MCTP2: variants seen among roughly 807,000 people sequenced by gnomAD.
The protein encoded by MCTP2 is multiple C2 and transmembrane domain containing 2.
In MCTP2, 132 loss-of-function variants were observed where a neutral mutation model predicts 111.6. The observed-to-expected ratio is 1.18, with a 90% CI of 1.03 to 1.37. MCTP2 has a LOEUF of 1.37. Ranked by LOEUF, MCTP2 falls within the 40% of genes most tolerant of loss-of-function variation. MCTP2 has a pLI of 0.00. For missense variants in MCTP2, 1,183 were observed against 1,067.9 expected (o/e 1.11, Z -1.50); for synonymous variants, 395 against 387.7 (o/e 1.02, Z -0.22).
chr15:94,438,144 A>G (rs1265762957), intron 17 of MCTP2, among the ~76,000 whole-genome samples: 1 of 152,122 alleles, frequency 6.6e-6, no homozygotes, highest in Non-Finnish European at 1.5e-5. Flanking sequence ...ATTTCAGCCC[A>G]TGTTTGCATT....
intron 8 of MCTP2, among the ~76,000 whole-genome samples, chr15:94,349,140 T>G (rs1362374955): frequency 6.6e-6 from 1 of 152,178 alleles, no homozygotes; most frequent in African/African-American, 2.4e-5. Context: ...TTCTGATGCC[T>G]TATTATGAAG....
In MCTP2 at chr15:94,435,344, A is replaced by T. The variant is rs1052025114; in HGVS notation, c.2086-4832A>T. On this transcript the variant is annotated intron_variant, in intron 17 of 22. Coordinates refer to ENST00000357742, the MANE Select transcript of MCTP2 (RefSeq NM_001385001.1). ...CTGTAATGTTTCTTAATAATCTTTCATAGTTTCCAGTGAGGATATCTTGCT... is the reference window on the plus strand; with the variant it reads ...CTGTAATGTTTCTTAATAATCTTTCTTAGTTTCCAGTGAGGATATCTTGCT... Among the ~76,000 whole-genome samples the T allele has an allele frequency of 5.3e-5, 8 of 152,170 alleles. No homozygotes were observed. The East Asian group carries it at 1.2e-3, about 22-fold the overall frequency.
At chr15:94,245,269 T>C (rs146540985) in intron 1 of MCTP2, among the ~76,000 whole-genome samples, 5 of 137,164 alleles carry the variant, frequency 3.6e-5, no homozygotes, top group South Asian at 2.2e-4. Context: ...TACATATGTG[T>C]ATATACGTAT....
chr15:94,406,848 C>A (rs2081920983), intron 17 of MCTP2, among the ~76,000 whole-genome samples: 1 of 139,392 alleles, frequency 7.2e-6, no homozygotes, highest in Non-Finnish European at 1.5e-5. Context: ...AGGCATTGGA[C>A]TTTTCAGTTG....
chr15:94,270,500 A>C (rs925992871), intron 1 of MCTP2, among the ~76,000 whole-genome samples: 1 of 152,108 alleles, frequency 6.6e-6, no homozygotes, highest in Admixed American at 6.5e-5. Context: ...ACTGGCCTAC[A>C]TGGACCTGTC....
chr15:94,245,527 T>G (rs953126543), intron 1 of MCTP2, among the ~76,000 whole-genome samples: 13 of 141,290 alleles, frequency 9.2e-5, no homozygotes, highest in African/African-American at 3.3e-4. Context: ...TGTATATATT[T>G]ATATACATAC....
At chr15:94,290,985 G>C (rs1343563080) in intron 1 of MCTP2, among the ~76,000 whole-genome samples, 1 of 152,166 alleles carries the variant, frequency 6.6e-6, no homozygotes, top group African/African-American at 2.4e-5. Flanking sequence ...AGTAATAGAA[G>C]ATCAGCAAGG....
intron 1 of MCTP2, among the ~76,000 whole-genome samples, chr15:94,237,575 G>C (rs2070662447): frequency 1.3e-5 from 2 of 151,982 alleles, no homozygotes; most frequent in African/African-American, 4.8e-5. Context: ...TCTGACTCTG[G>C]CATAACATTA....
Position 94,479,413 on chromosome 15 carries a change from A to C in MCTP2, c.*379A>C. On this transcript the variant is annotated 3_prime_UTR_variant, in exon 23 of 23. Coordinates refer to ENST00000357742, the MANE Select transcript of MCTP2 (RefSeq NM_001385001.1). The stretch of plus-strand genomic sequence containing the variant: ...GTTTTCACACCTCCAACAGACTCTC[A>C]TTAAGATTCAGTTATTTCCGCTCCC... 4.2e-6 allele frequency: 1 copy of C among 238,264 alleles called. No individual in the cohort carries two copies. The highest frequency in any genetic ancestry group is 8.3e-6 in the Non-Finnish European group (1 of 120,388). 14.8% of individuals were successfully genotyped at this position (238,264 alleles called of 1,614,324 possible). A position where few individuals can be genotyped will look rare whatever the true frequency, so the allele number is the denominator to read the frequency against.
chr15:94,239,549 A>T (rs1315803345), intron 1 of MCTP2, among the ~76,000 whole-genome samples: 3 of 152,180 alleles, frequency 2.0e-5, no homozygotes, highest in Admixed American at 2.0e-4. Flanking sequence ...TACTTACATG[A>T]GCTCCCTCCC....
intron 12 of MCTP2, among the ~76,000 whole-genome samples, chr15:94,370,434 G>A (rs1488272847): frequency 6.6e-6 from 1 of 152,196 alleles, no homozygotes; most frequent in Non-Finnish European, 1.5e-5. Flanking sequence ...AAAAACATTT[G>A]TGGAGTATGA....
At chr15:94,355,182 T>C (rs1249575259) in intron 8 of MCTP2, among the ~76,000 whole-genome samples, 1 of 152,242 alleles carries the variant, frequency 6.6e-6, no homozygotes, top group Non-Finnish European at 1.5e-5. Flanking sequence ...AGACAACTTA[T>C]GGTTAACGCC....
chr15:94,405,548 C>T (rs551632049), intron 17 of MCTP2, among the ~76,000 whole-genome samples: 1 of 152,346 alleles, frequency 6.6e-6, no homozygotes, highest in East Asian at 1.9e-4. Flanking sequence ...CAAGCATCAC[C>T]TTCCTCTACC....
intron 18 of MCTP2, 130 bp downstream of exon 18, chr15:94,440,428 C>T: frequency 9.3e-7 from 1 of 1,073,324 alleles, no homozygotes; most frequent in East Asian, 2.4e-5. Context: ...CAAAGGCACT[C>T]ATTTTGCAGT....
intron 12 of MCTP2, among the ~76,000 whole-genome samples, chr15:94,372,347 G>A (rs1041288690): frequency 2.0e-5 from 3 of 152,172 alleles, no homozygotes; most frequent in Admixed American, 6.5e-5. Context: ...ATGTTTATAC[G>A]TTGTCAGGCT....
chr15:94,402,148 C>G lies in MCTP2; in HGVS notation c.2085+129C>G, dbSNP rs537894463. On this transcript the variant is annotated intron_variant, in intron 17 of 22. Transcript: ENST00000357742. ...TAAGACAGTACTTAGGTCAAATTTACCTGGGAAACCCCTTAAATTACCCAA... is the reference window on the plus strand; with the variant it reads ...TAAGACAGTACTTAGGTCAAATTTAGCTGGGAAACCCCTTAAATTACCCAA... 3.7e-6 allele frequency: 5 copies of G among 1,339,580 alleles called. No individual in the cohort carries two copies. In the African/African-American group the frequency reaches 7.4e-5, roughly 20 times the overall value. The allele number at this position is 1,339,580 out of a possible 1,614,324, so 83.0% of individuals were successfully genotyped here.
At chr15:94,451,001 T>C (rs888929830) in intron 19 of MCTP2, among the ~76,000 whole-genome samples, 3 of 152,240 alleles carry the variant, frequency 2.0e-5, no homozygotes, top group Non-Finnish European at 4.4e-5. Flanking sequence ...GGTGCTATAC[T>C]CATTGGATAC....
At chr15:94,274,597 C>T (rs1179872730) in intron 1 of MCTP2, among the ~76,000 whole-genome samples, 1 of 151,954 alleles carries the variant, frequency 6.6e-6, no homozygotes, top group Non-Finnish European at 1.5e-5. Flanking sequence ...AACTCTAGTC[C>T]AATAAGCTAA....
chr15:94,320,308 A>AG (rs1567414416), intron 4 of MCTP2, among the ~76,000 whole-genome samples: 2 of 151,826 alleles, frequency 1.3e-5, no homozygotes, highest in Non-Finnish European at 2.9e-5. Flanking sequence ...ACGCCCAGCT[A>AG]ATTTTTGTAT....
Sources: allele counts gnomAD v4.1 joint callset (sites outside exome capture counted in the v4.1 genomes callset), GRCh38; gene constraint gnomAD v4.1.1; transcripts MANE v1.5; gene names NCBI Gene and HGNC (gene_info 2026-07-23, HGNC 2026-07-21).